The following BRWD1 variants were observed in gnomAD, a reference collection of about 807,000 sequenced individuals.
BRWD1 encodes the protein bromodomain and WD repeat domain containing 1.
Under a neutral mutation model 251.2 loss-of-function variants are expected in BRWD1, and 82 were observed. That is an observed-to-expected ratio of 0.33 (90% CI 0.27 to 0.39). The LOEUF (loss-of-function observed/expected upper bound fraction) is 0.39. Ranked by LOEUF, BRWD1 falls within the 10% of genes least tolerant of loss-of-function variation. The pLI is 1.00. For synonymous variants in BRWD1, 918 were observed against 902.8 expected (o/e 1.02, Z -0.30); for missense variants, 2,233 against 2,711.6 (o/e 0.82, Z 3.92).
intron 15 of BRWD1, among the ~76,000 whole-genome samples, chr21:39,269,661 A>C (rs929276285): frequency 2.0e-5 from 3 of 152,234 alleles, no homozygotes; most frequent in Non-Finnish European, 4.4e-5. Context: ...ACACACAGGC[A>C]CATAAAATGC....
In BRWD1 at chr21:39,277,237, A is replaced by C. The variant is rs745484627; in HGVS notation, c.1104+14T>G. 6 of 1,574,524 alleles carry C rather than the reference A, an allele frequency of 3.8e-6. No individual in the cohort carries two copies. The highest frequency in any genetic ancestry group is 5.2e-6 in the Non-Finnish European group (6 of 1,148,896). On this transcript the variant is annotated intron_variant, in intron 11 of 40. Transcript: ENST00000342449. ...AACAATTAATCTAAAGGATTTTAAA[A>C]CGTGGATGCTTACAGTGTGGCTTTC...
At chr21:39,233,526 G>A (rs2033698677) in intron 23 of BRWD1, among the ~76,000 whole-genome samples, 1 of 152,038 alleles carries the variant, frequency 6.6e-6, no homozygotes, top group South Asian at 2.1e-4. Flanking sequence ...AATGGTAAAC[G>A]TAGCAATAAC....
At chr21:39,279,728 A>AT (rs2035398138) in intron 9 of BRWD1, among the ~76,000 whole-genome samples, 1 of 152,102 alleles carries the variant, frequency 6.6e-6, no homozygotes, top group South Asian at 2.1e-4. Context: ...TAAGTTTTAA[A>AT]TTTAAATTAT....
chr21:39,300,354 G>T (rs1355928527), intron 4 of BRWD1, among the ~76,000 whole-genome samples: 1 of 152,202 alleles, frequency 6.6e-6, no homozygotes, highest in African/African-American at 2.4e-5. Flanking sequence ...AGCGAACTCT[G>T]TAGCAACCTA....
At position 39,196,082 on chromosome 21, in the gene BRWD1, C is replaced by G. The variant is rs1422461199; in HGVS notation, c.*177G>C. The G allele has an allele frequency of 1.5e-6, 2 of 1,366,184 alleles. No homozygotes were observed. The highest frequency in any genetic ancestry group is 1.9e-6 in the Non-Finnish European group (2 of 1,064,798). The allele number at this position is 1,366,184 out of a possible 1,614,324, so 84.6% of individuals were successfully genotyped here. A position where few individuals can be genotyped will look rare whatever the true frequency, so the allele number is the denominator to read the frequency against. On this transcript the variant is annotated 3_prime_UTR_variant, in exon 41 of 41. Transcript: ENST00000342449. Reference sequence around the variant, plus strand: ...TTGGCACCTGTGCTGAATGCTGCTACAAAGACCAGCAAGTGCAAATAAAAA... The same window carrying G: ...TTGGCACCTGTGCTGAATGCTGCTAGAAAGACCAGCAAGTGCAAATAAAAA...
intron 31 of BRWD1, 76 bp downstream of exon 31, chr21:39,218,076 T>C: frequency 7.1e-7 from 1 of 1,417,466 alleles, no homozygotes; most frequent in Non-Finnish European, 9.4e-7. Context: ...TCTACCACTA[T>C]CTCTTTCTTT....
In BRWD1 at chr21:39,196,908, TCTC is replaced by T. The variant is rs2031851678; in HGVS notation, c.6158_6160del (p.Gly2053del). 6.2e-7 allele frequency: 1 copy of T among 1,613,796 alleles called. No homozygotes were observed. The highest frequency in any genetic ancestry group is 1.1e-5 in the South Asian group (1 of 91,080). ...CCCTGGAATATGACTTTTTGAATCT[TCTC>T]CTGAAGATGTAACAGAGGAACTTTT... On this transcript the variant is annotated inframe_deletion, in exon 41 of 41. Coordinates refer to ENST00000342449, the MANE Select transcript of BRWD1 (RefSeq NM_033656.4).
intron 10 of BRWD1, among the ~76,000 whole-genome samples, 178 bp from the exon 11 acceptor site, chr21:39,277,529 A>G (rs2146693853): frequency 6.6e-6 from 1 of 152,318 alleles, no homozygotes; most frequent in South Asian, 2.1e-4. Context: ...GTAGCTTTAA[A>G]AAACAAAATT....
intron 15 of BRWD1, 62 bp from the exon 16 acceptor site, chr21:39,265,081 C>A: frequency 3.3e-6 from 5 of 1,495,980 alleles, no homozygotes; most frequent in South Asian, 1.2e-5. Flanking sequence ...GCTATGTAAA[C>A]TTTTTTAATG....
In BRWD1 at chr21:39,192,387, CA is replaced by C. The variant is rs35945460; in HGVS notation, c.*3871del. 0.049 allele frequency: 48,371 copies of C among 985,032 alleles called. 1,335 individuals carry two copies. Among genetic ancestry groups the C allele is most frequent in the Non-Finnish European group, 0.054 (44,588 of 829,764 alleles). The allele number at this position is 985,032 out of a possible 1,614,324, so 61.0% of individuals were successfully genotyped here. The stretch of plus-strand genomic sequence containing the variant: ...TTGACAAATTTATTCCTTCTCTTCC[CA>C]AATACTAGGATAAGAGACAGTCTCA... On this transcript the variant is annotated 3_prime_UTR_variant, in exon 41 of 41. Transcript: ENST00000342449.
intron 36 of BRWD1, among the ~76,000 whole-genome samples, chr21:39,207,445 AAAG>A (rs1324720836): frequency 2.5e-4 from 10 of 40,358 alleles, no homozygotes; most frequent in African/African-American, 1.1e-3. Context: ...AAAAGAAAAA[AAAG>A]AAAACACACA....
chr21:39,271,538 A>G (rs1470737383), intron 13 of BRWD1, among the ~76,000 whole-genome samples: 2 of 151,092 alleles, frequency 1.3e-5, no homozygotes, highest in Non-Finnish European at 3.0e-5. Context: ...AAATACAAAA[A>G]AAAGCAAAAT....
chr21:39,220,555 T>G (rs188150785), intron 29 of BRWD1, among the ~76,000 whole-genome samples: 1 of 152,236 alleles, frequency 6.6e-6, no homozygotes, highest in East Asian at 1.9e-4. Context: ...AAGGTAAAAA[T>G]TCACAATGTC....
At position 39,189,829 on chromosome 21, in the gene BRWD1, A is replaced by G; in HGVS notation, c.*6430T>C. On this transcript the variant is annotated 3_prime_UTR_variant, in exon 41 of 41. Coordinates refer to ENST00000342449, the MANE Select transcript of BRWD1 (RefSeq NM_033656.4). The stretch of plus-strand genomic sequence containing the variant: ...AGAAGTCAAATTTGTGTGTTAGGGT[A>G]CAAGCTTAAGAACTCTGGATGTTGC... 1.0e-6 allele frequency: 1 copy of G among 985,364 alleles called. No homozygotes were observed. Among genetic ancestry groups the G allele is most frequent in the South Asian group, 4.7e-5 (1 of 21,290 alleles). 61.0% of individuals were successfully genotyped at this position (985,364 alleles called of 1,614,324 possible).
chr21:39,223,793 A>C (rs1471140883), intron 29 of BRWD1, among the ~76,000 whole-genome samples: 1 of 152,204 alleles, frequency 6.6e-6, no homozygotes, highest in African/African-American at 2.4e-5. Context: ...AGGAAGACCA[A>C]GGGTAAAAGA....
rs763513027 is a variant in BRWD1, at chr21:39,197,412, G to C, written c.5657C>G (p.Ser1886Cys). 9.0e-6 allele frequency: 14 copies of C among 1,555,142 alleles called. No individual in the cohort carries two copies. The highest frequency in any genetic ancestry group is 1.2e-5 in the South Asian group (1 of 83,212). The part of the protein sequence containing the change: ...IEKPNNFMKD[S>C]ASQDNGLSRK... ...GCTTAGTCCATTGTCTTGTGATGCAGAATCTAAAAGTTAAAGAGCAGATTT... is the reference window on the plus strand; with the variant it reads ...GCTTAGTCCATTGTCTTGTGATGCACAATCTAAAAGTTAAAGAGCAGATTT... Residue 1886 changes from serine to cysteine, a missense_variant, in exon 41 of 41, where the codon TCT becomes TGT. Physicochemically the swap from Ser to Cys is moderately radical, Grantham distance 112. This residue lies in a region of BRWD1 where 928 missense variants were observed against 970.0 expected (regional missense o/e 0.96). Transcript: ENST00000342449.
Position 39,190,001 on chromosome 21 carries a change from T to C in BRWD1, c.*6258A>G. 1.0e-6 allele frequency: 1 copy of C among 985,398 alleles called. No homozygotes were observed. The highest frequency in any genetic ancestry group is 1.2e-6 in the Non-Finnish European group (1 of 829,908). 61.0% of individuals were successfully genotyped at this position (985,398 alleles called of 1,614,324 possible). On this transcript the variant is annotated 3_prime_UTR_variant, in exon 41 of 41. Coordinates refer to ENST00000342449, the MANE Select transcript of BRWD1 (RefSeq NM_033656.4). ...TGAGGACTTGTTTTCCTGGAAGTGATTCCCTACTTGGGTATGGCAAGAACA... is the reference window on the plus strand; with the variant it reads ...TGAGGACTTGTTTTCCTGGAAGTGACTCCCTACTTGGGTATGGCAAGAACA...
chr21:39,188,877 T>C lies in BRWD1; in HGVS notation c.*7382A>G. 1.0e-6 allele frequency: 1 copy of C among 985,402 alleles called. No individual in the cohort carries two copies. The highest frequency in any genetic ancestry group is 4.7e-5 in the South Asian group (1 of 21,286). The allele number at this position is 985,402 out of a possible 1,614,324, so 61.0% of individuals were successfully genotyped here. A position where few individuals can be genotyped will look rare whatever the true frequency, so the allele number is the denominator to read the frequency against. On this transcript the variant is annotated 3_prime_UTR_variant, in exon 41 of 41. Coordinates refer to ENST00000342449, the MANE Select transcript of BRWD1 (RefSeq NM_033656.4). ...GCACTATGTTTTGTTCAGTGTTCAG[T>C]CTCCAGGCATTGTAAATGGCATTTT...
chr21:39,270,518 G>T (rs1397107265), intron 13 of BRWD1, 85 bp from the exon 14 acceptor site: 1 of 1,166,504 alleles, frequency 8.6e-7, no homozygotes, highest in Non-Finnish European at 1.2e-6. Flanking sequence ...CAAAAATAAA[G>T]AAATCCAACC....
Sources: allele counts gnomAD v4.1 joint callset (sites outside exome capture counted in the v4.1 genomes callset), GRCh38; gene constraint gnomAD v4.1.1; regional missense constraint gnomAD v4.1.1; transcripts MANE v1.5; gene names NCBI Gene and HGNC (gene_info 2026-07-23, HGNC 2026-07-21).